Variants in AEBP1 observed in about 807,000 individuals in gnomAD.
The protein encoded by AEBP1 is AE binding protein 1.
A neutral mutation model predicts 116.5 loss-of-function variants in AEBP1; 69 were observed. The ratio of observed to expected loss-of-function variants is 0.59; its 90% confidence interval spans 0.49 to 0.72. The LOEUF (loss-of-function observed/expected upper bound fraction) is 0.72, where lower values mean the gene tolerates loss of function less well. AEBP1 is among the 30% of genes least tolerant of loss of function. AEBP1 has a pLI of 0.00. For synonymous variants in AEBP1, 627 were observed against 627.3 expected, an observed-to-expected ratio of 1.00 and a Z score of 0.01; for missense variants, 1,444 against 1,557.5, an observed-to-expected ratio of 0.93 and a Z score of 1.23.
chr7:44,112,338 G>A lies in AEBP1; in HGVS notation c.2217+17G>A. The A allele has an allele frequency of 6.5e-7, 1 of 1,530,262 alleles. No individual in the cohort carries two copies. The allele number at this position is 1,530,262 out of a possible 1,614,324, so 94.8% of individuals were successfully genotyped here. ...GATGCCACGGTGAGGCTACAGCCTG[G>A]CTGAAAGGGCAGGAGGGAGCAGCTG... is the stretch of plus-strand genomic sequence containing the variant. On this transcript the variant is annotated intron_variant, in intron 17 of 20. Coordinates refer to ENST00000223357, the MANE Select transcript of AEBP1 (RefSeq NM_001129.5). This position sits in a 1 kb window ranked among gnomAD's most constrained non-coding sequence, Gnocchi z 6.6.
chr7:44,111,887 A>G lies in AEBP1; in HGVS notation c.1874A>G (p.His625Arg). 1 of 1,613,642 alleles carries G rather than the reference A, an allele frequency of 6.2e-7. No individual in the cohort carries two copies. Among genetic ancestry groups the G allele is most frequent in the East Asian group, 2.2e-5 (1 of 44,876 alleles). Reference sequence around the variant, plus strand: ...GAGTTCCGCTACACTGCTGGGATCCATGGCAACGAGGTGCTGGGCCGAGAG... The same window carrying G: ...GAGTTCCGCTACACTGCTGGGATCCGTGGCAACGAGGTGCTGGGCCGAGAG... Reference protein sequence around the residue: ...EPEFRYTAGIHGNEVLGRELL... With the variant: ...EPEFRYTAGIRGNEVLGRELL... Residue 625 changes from histidine to arginine, a missense_variant, in exon 16 of 21, where the codon CAT becomes CGT. Physicochemically the swap from His to Arg is conservative, Grantham distance 29. Coordinates refer to ENST00000223357, the MANE Select transcript of AEBP1 (RefSeq NM_001129.5). This position sits in a 1 kb window ranked among gnomAD's most constrained non-coding sequence, Gnocchi z 4.7.
chr7:44,108,445 AG>A lies in AEBP1; in HGVS notation c.940+364del, dbSNP rs2096225352. On this transcript the variant is annotated intron_variant, in intron 6 of 20. Transcript: ENST00000223357. The surrounding 1 kb of genome is among the most constrained non-coding windows in gnomAD (Gnocchi z 5.0). ...TGCCCCACTCTCTTCAGGGAGCCCG[AG>A]GGCTTTTGCCTCCCTGTTGCTCATG... 6.6e-6 allele frequency among the ~76,000 whole-genome samples: 1 copy of A among 151,904 alleles called. No individual in the cohort carries two copies. The highest frequency in any genetic ancestry group is 6.6e-5 in the Admixed American group (1 of 15,258).
At chr7:44,105,247 C>T (rs911022450) in intron 1 of AEBP1, among the ~76,000 whole-genome samples, 11 of 152,302 alleles carry the variant, frequency 7.2e-5, no homozygotes, top group African/African-American at 2.4e-4. Context: ...GCTGTGTCAC[C>T]CCCTGCCATA....
chr7:44,107,352 G>T lies in AEBP1; in HGVS notation c.596-87G>T, dbSNP rs1049974533. On this transcript the variant is annotated intron_variant, in intron 2 of 20. Coordinates refer to ENST00000223357, the MANE Select transcript of AEBP1 (RefSeq NM_001129.5). This position sits in a 1 kb window ranked among gnomAD's most constrained non-coding sequence, Gnocchi z 4.3. ...GAGGGTGTCCACAGGCTCTGTGTGG[G>T]CTCTATGGGTGGCTGGTGGCCTGAG... is the stretch of plus-strand genomic sequence containing the variant. 2 of 1,338,638 alleles carry T rather than the reference G, an allele frequency of 1.5e-6. No individual in the cohort carries two copies. The highest frequency in any genetic ancestry group is 2.9e-5 in the African/African-American group (2 of 69,326). 82.9% of individuals were successfully genotyped at this position (1,338,638 alleles called of 1,614,324 possible). A position where few individuals can be genotyped will look rare whatever the true frequency, so the allele number is the denominator to read the frequency against.
rs774650394 is a variant in AEBP1 at position 44,113,763 on chromosome 7, C to A, written c.2979C>A (p.Ile993=). 1.9e-6 allele frequency: 3 copies of A among 1,614,112 alleles called. No individual in the cohort carries two copies. Among genetic ancestry groups the A allele is most frequent in the Non-Finnish European group, 2.5e-6 (3 of 1,179,986 alleles). ...ARSNWKRIRE[I]MAMNGNRPIP... ...CCAACTGGAAGCGCATCCGGGAGAT[C>A]ATGGCCATGAACGGGAACCGGCCTA... Residue 993 remains isoleucine (I), a synonymous_variant, in exon 21 of 21, where the codon ATC becomes ATA. Transcript: ENST00000223357. The surrounding 1 kb of genome is among the most constrained non-coding windows in gnomAD (Gnocchi z 5.3).
rs2096231930 is a variant in AEBP1, at chr7:44,113,231, A to T, written c.2710-21A>T. On this transcript the variant is annotated intron_variant, in intron 19 of 20. Transcript: ENST00000223357. This position sits in a 1 kb window ranked among gnomAD's most constrained non-coding sequence, Gnocchi z 5.3. ...ACATTGGACCTTCCTGAGGACCAGCAGCCCTCACCTGCTTCCCTAGGTGCA... is the reference window on the plus strand; with the variant it reads ...ACATTGGACCTTCCTGAGGACCAGCTGCCCTCACCTGCTTCCCTAGGTGCA... The T allele has an allele frequency of 1.2e-6, 2 of 1,613,334 alleles. No individual in the cohort carries two copies. The highest frequency in any genetic ancestry group is 2.2e-5 in the South Asian group (2 of 91,070).
In AEBP1 at chr7:44,114,490, G is replaced by T. The variant is rs3217971; in HGVS notation, c.*229G>T. 2,938 of 634,284 alleles carry T rather than the reference G, an allele frequency of 4.6e-3. 67 individuals are homozygous for T. The highest frequency in any genetic ancestry group is 0.045 in the African/African-American group (2,433 of 54,628). 39.3% of individuals were successfully genotyped at this position (634,284 alleles called of 1,614,324 possible). Reference sequence around the variant, plus strand: ...CACCTGCCAGTCTCGTAAGAGATGGGGTTGCTGCAGTGTTGGAGTAGGGGC... The same window carrying T: ...CACCTGCCAGTCTCGTAAGAGATGGTGTTGCTGCAGTGTTGGAGTAGGGGC... On this transcript the variant is annotated 3_prime_UTR_variant, in exon 21 of 21. Coordinates refer to ENST00000223357, the MANE Select transcript of AEBP1 (RefSeq NM_001129.5).
intron 2 of AEBP1, 53 bp downstream of exon 2, chr7:44,106,940 G>C: frequency 2.2e-6 from 3 of 1,375,534 alleles, no homozygotes; most frequent in Non-Finnish European, 2.9e-6. Context: ...TGCTCGGGTG[G>C]AGGCAGGGAG....
chr7:44,111,588 T>A lies in AEBP1; in HGVS notation c.1798T>A (p.Tyr600Asn). Residue 600 changes from tyrosine to asparagine, a missense_variant, in exon 15 of 21, where the codon TAT becomes AAT. Transcript: ENST00000223357. The surrounding 1 kb of genome is among the most constrained non-coding windows in gnomAD (Gnocchi z 4.7). ...CAAGAGCTCACGAGGCCTCAAGATC[T>A]ATGCCATGGAGATCTCAGACAACCC... The part of the protein sequence containing the change: ...LGKSSRGLKI[Y>N]AMEISDNPGE... 1 of 1,613,266 alleles carries A rather than the reference T, an allele frequency of 6.2e-7. No homozygotes were observed. Among genetic ancestry groups the A allele is most frequent in the African/African-American group, 1.3e-5 (1 of 74,980 alleles).
rs1316397772 is a variant in AEBP1, at chr7:44,111,015, A to C, written c.1588A>C (p.Ser530Arg). ...IRIYPLTWNG[S>R]LCMRLEVLGC... ...CATCTACCCACTCACCTGGAATGGCAGCCTGTGCATGCGCCTGGAGGTGCT... is the reference window on the plus strand; with the variant it reads ...CATCTACCCACTCACCTGGAATGGCCGCCTGTGCATGCGCCTGGAGGTGCT... Residue 530 changes from serine (S) to arginine (R), a missense_variant, in exon 13 of 21, where the codon AGC becomes CGC. Physicochemically the swap from Ser to Arg is moderately radical, Grantham distance 110 (BLOSUM62 -1). Coordinates refer to ENST00000223357, the MANE Select transcript of AEBP1 (RefSeq NM_001129.5). The surrounding 1 kb of genome is among the most constrained non-coding windows in gnomAD (Gnocchi z 4.7). 1.2e-6 allele frequency: 2 copies of C among 1,613,740 alleles called. No individual in the cohort carries two copies. Among genetic ancestry groups the C allele is most frequent in the African/African-American group, 2.7e-5 (2 of 74,908 alleles).
Position 44,112,777 on chromosome 7 carries a change from C to T in AEBP1, c.2437C>T (p.Arg813Trp), listed in dbSNP as rs1410858926. 24 of 1,612,802 alleles carry T rather than the reference C, an allele frequency of 1.5e-5. No homozygotes were observed. The highest frequency in any genetic ancestry group is 2.7e-5 in the African/African-American group (2 of 74,934). The change falls in exon 18 of 21, where the codon CGG becomes TGG. Residue 813 changes from arginine (R) to tryptophan (W), a missense_variant. Arg to Trp is a moderately radical substitution (Grantham distance 101, BLOSUM62 -3). Transcript: ENST00000223357. This position sits in a 1 kb window ranked among gnomAD's most constrained non-coding sequence, Gnocchi z 6.6. ...GGAGACTCCAGACCACGCCATCTTCCGGTGGCTTGCCATCTCCTTCGCCTC... is the reference window on the plus strand; with the variant it reads ...GGAGACTCCAGACCACGCCATCTTCTGGTGGCTTGCCATCTCCTTCGCCTC... Reference protein sequence around the residue: ...AQETPDHAIFRWLAISFASAH... With the variant: ...AQETPDHAIFWWLAISFASAH...
intron 1 of AEBP1, chr7:44,106,103 C>G (rs2096222614): frequency 2.2e-6 from 1 of 446,622 alleles, no homozygotes; most frequent in South Asian, 1.6e-5. Flanking sequence ...CGTAGGAGAC[C>G]AGGGGAAGGT....
At chr7:44,104,973 AGGGGGATTCG>A in intron 1 of AEBP1, 55 bp downstream of exon 1, 1 of 1,396,906 alleles carries the variant, frequency 7.2e-7, no homozygotes, top group Non-Finnish European at 9.6e-7. Flanking sequence ...AGGTGGGAAC[AGGGGGATTCG>A]GTAGGGTCTG....
rs11979310 is a variant in AEBP1, at chr7:44,109,775, T to A, written c.1151-240T>A. ...GGGCATGGTCAGCCCGTTCTCCAGA[T>A]GGGGCAGCTGAGGCCCAGGGAGGGG... On this transcript the variant is annotated intron_variant, in intron 9 of 20. Transcript: ENST00000223357. 249,981 of 582,096 alleles carry A rather than the reference T, an allele frequency of 0.43. 55,153 individuals are homozygous for A. Among genetic ancestry groups the A allele is most frequent in the Non-Finnish European group, 0.47 (151,533 of 324,070 alleles). 36.1% of individuals were successfully genotyped at this position (582,096 alleles called of 1,614,324 possible). A position where few individuals can be genotyped will look rare whatever the true frequency, so the allele number is the denominator to read the frequency against.
chr7:44,114,258 C>A lies in AEBP1; in HGVS notation c.3474C>A (p.Phe1158Leu). ...VETYTVNFGD[F>L] is the part of the protein sequence containing the mutation. ...CCTACACAGTGAACTTTGGGGACTT[C>A]TGAGATCAGCGTCCTACCAAGACCC... Residue 1158 changes from phenylalanine (F) to leucine (L), a missense_variant, in exon 21 of 21, where the codon TTC becomes TTA. Coordinates refer to ENST00000223357, the MANE Select transcript of AEBP1 (RefSeq NM_001129.5). 6 of 1,613,494 alleles carry A rather than the reference C, an allele frequency of 3.7e-6. No individual in the cohort carries two copies. Among genetic ancestry groups the A allele is most frequent in the Non-Finnish European group, 4.2e-6 (5 of 1,179,464 alleles).
rs370857030 is a variant in AEBP1, at chr7:44,110,270, C to G, written c.1324C>G (p.Gln442Glu). ...AWCAEDDART[Q>E]WIEVDTRRTT... ...GTGTGCCGAGGACGATGCCAGGACC[C>G]AGTGGATAGAGGTGGACACCAGGAG... The change falls in exon 11 of 21, where the codon CAG (glutamine) becomes GAG (glutamate). Residue 442 changes from glutamine to glutamate, a missense_variant. Gln to Glu is a conservative substitution (Grantham distance 29, BLOSUM62 2). Transcript: ENST00000223357. 19 of 1,613,638 alleles carry G rather than the reference C, an allele frequency of 1.2e-5. No individual in the cohort carries two copies. The highest frequency in any genetic ancestry group is 1.6e-5 in the Non-Finnish European group (19 of 1,180,024).
Position 44,114,056 on chromosome 7 carries a change from CAG to C in AEBP1, c.3275_3276del (p.Glu1092ValfsTer18), listed in dbSNP as rs1306488523. 2.5e-6 allele frequency: 4 copies of C among 1,614,024 alleles called. No homozygotes were observed. The highest frequency in any genetic ancestry group is 2.2e-5 in the South Asian group (2 of 91,080). ...ACTGAGACCTACACAGAGGTGGTGA[CAG>C]AGTTTGGGACCGAGGTGGAGCCCGA... On this transcript the variant is annotated frameshift_variant, in exon 21 of 21. Coordinates refer to ENST00000223357, the MANE Select transcript of AEBP1 (RefSeq NM_001129.5). LOFTEE classifies it low-confidence loss of function (END_TRUNC).
intron 1 of AEBP1, 140 bp downstream of exon 1, chr7:44,105,058 C>T: frequency 1.2e-6 from 1 of 811,416 alleles, no homozygotes; most frequent in East Asian, 2.7e-5. Flanking sequence ...GCCCAGATGC[C>T]TGGAGGGACC....
In AEBP1 at chr7:44,108,828, T is replaced by C. The variant is rs978997904; in HGVS notation, c.941-71T>C. On this transcript the variant is annotated intron_variant, in intron 6 of 20. Coordinates refer to ENST00000223357, the MANE Select transcript of AEBP1 (RefSeq NM_001129.5). This position sits in a 1 kb window ranked among gnomAD's most constrained non-coding sequence, Gnocchi z 5.0. ...CTGGCGCGGTCCTGTCCTGCTGAGC[T>C]CCTGTGGACCCAGGAGCTGAGGCCC... The C allele has an allele frequency of 1.4e-6, 2 of 1,421,808 alleles. No individual in the cohort carries two copies. Among genetic ancestry groups the C allele is most frequent in the Non-Finnish European group, 9.7e-7 (1 of 1,032,666 alleles). The allele number at this position is 1,421,808 out of a possible 1,614,324, so 88.1% of individuals were successfully genotyped here.
Sources: allele counts gnomAD v4.1 joint callset (sites outside exome capture counted in the v4.1 genomes callset), GRCh38; gene constraint gnomAD v4.1.1; non-coding constraint Gnocchi (gnomAD v3.1); transcripts MANE v1.5; gene names NCBI Gene and HGNC (gene_info 2026-07-23, HGNC 2026-07-21).